The following WWOX variants were observed in gnomAD, a reference collection of about 807,000 sequenced individuals.
The protein encoded by WWOX is WW domain-containing oxidoreductase.
Under a neutral mutation model 46.2 loss-of-function variants are expected in WWOX, and 69 were observed. The ratio of observed to expected loss-of-function variants is 1.49; its 90% CI spans 1.23 to 1.82. The LOEUF is 1.82. Ranked by LOEUF, WWOX falls within the 40% of genes most tolerant of loss-of-function variation. The pLI is 0.00. For synonymous variants in WWOX, 359 were observed against 202.6 expected, an observed-to-expected ratio of 1.77 and a Z score of -6.56; for missense variants, 919 against 542.6, an observed-to-expected ratio of 1.69 and a Z score of -6.89.
At chr16:78,696,480 T>C (rs2142281375) in intron 8 of WWOX, among the ~76,000 whole-genome samples, 1 of 152,216 alleles carries the variant, frequency 6.6e-6, no homozygotes. Flanking sequence ...TCGATTTTTT[T>C]TTTTCACCTG....
rs62038856 is a variant in WWOX, at chr16:79,143,008, A to T, written c.1057-68600A>T. Among the ~76,000 whole-genome samples the T allele has an allele frequency of 7.2e-3, 1,090 of 152,192 alleles. 5 individuals carry two copies. Among genetic ancestry groups the T allele is most frequent in the South Asian group, 0.015 (71 of 4,824 alleles). ...CGTGAGCTACCACACCCAGCCATTT[A>T]TCTGTTTTTTAAATAGCATTTTGGA... On this transcript the variant is annotated intron_variant, in intron 8 of 8. Transcript: ENST00000566780.
intron 8 of WWOX, among the ~76,000 whole-genome samples, chr16:78,992,837 C>T (rs1009416717): frequency 3.3e-5 from 5 of 152,092 alleles, no homozygotes; most frequent in African/African-American, 1.2e-4. Flanking sequence ...AGTTGGCTTT[C>T]TCCCCAAACC....
chr16:78,647,195 G>A (rs1287473671), intron 8 of WWOX, among the ~76,000 whole-genome samples: 1 of 152,152 alleles, frequency 6.6e-6, no homozygotes, highest in Non-Finnish European at 1.5e-5. Context: ...GAACCAACAT[G>A]AGTCACTTGC....
intron 8 of WWOX, among the ~76,000 whole-genome samples, chr16:78,815,963 T>A (rs563245364): frequency 3.4e-4 from 52 of 152,192 alleles, no homozygotes; most frequent in Non-Finnish European, 6.9e-4. Flanking sequence ...CCAAGTCTCC[T>A]GGGTGACCTT....
intron 8 of WWOX, among the ~76,000 whole-genome samples, chr16:78,686,870 T>G (rs975825457): frequency 2.0e-5 from 3 of 152,190 alleles, no homozygotes; most frequent in Non-Finnish European, 2.9e-5. Context: ...AGTGTTCTTC[T>G]TTTCAAAAGG....
chr16:78,875,408 C>G (rs957005251), intron 8 of WWOX, among the ~76,000 whole-genome samples: 3 of 152,126 alleles, frequency 2.0e-5, no homozygotes, highest in Non-Finnish European at 2.9e-5. Flanking sequence ...TAGTATTTCT[C>G]TAATTCTCGA....
chr16:79,096,010 C>G (rs549304723), intron 8 of WWOX, among the ~76,000 whole-genome samples: 1 of 117,090 alleles, frequency 8.5e-6, no homozygotes, highest in Non-Finnish European at 1.7e-5. Context: ...CTGCCACACC[C>G]GGATAATTTT....
intron 8 of WWOX, among the ~76,000 whole-genome samples, chr16:78,710,770 G>A (rs1304458016): frequency 2.0e-5 from 3 of 150,816 alleles, no homozygotes; most frequent in East Asian, 4.0e-4. Context: ...TCATGCTACC[G>A]TGCCCAGCTA....
At chr16:78,342,570 T>C (rs1323013431) in intron 5 of WWOX, among the ~76,000 whole-genome samples, 1 of 120,312 alleles carries the variant, frequency 8.3e-6, no homozygotes, top group East Asian at 1.9e-4. Flanking sequence ...CACATGGGTG[T>C]TGGGAGAGCA....
chr16:78,101,042 G>A (rs1171170094), intron 1 of WWOX, among the ~76,000 whole-genome samples: 3 of 149,290 alleles, frequency 2.0e-5, no homozygotes, highest in Non-Finnish European at 4.5e-5. Flanking sequence ...CTTCCAGAGG[G>A]TTTTTCTTTT....
At chr16:79,041,495 A>G (rs1418735829) in intron 8 of WWOX, among the ~76,000 whole-genome samples, 1 of 152,194 alleles carries the variant, frequency 6.6e-6, no homozygotes, top group Admixed American at 6.5e-5. Context: ...ATGATGGAGC[A>G]GGGATCATGC....
rs143985863 is a variant in WWOX, at chr16:78,326,438, G to C, written c.517-60422G>C. On this transcript the variant is annotated intron_variant, in intron 5 of 8. Coordinates refer to ENST00000566780, the MANE Select transcript of WWOX (RefSeq NM_016373.4). ...CATTCACTGGGAGAAACAAGGGGTT[G>C]AACGTTGTTATCGCGCAAAGGAAGC... Among the ~76,000 whole-genome samples, 1,243 of 152,194 alleles carry C rather than the reference G, an allele frequency of 8.2e-3. 9 individuals are homozygous for C. Among genetic ancestry groups the C allele is most frequent in the Non-Finnish European group, 0.013 (867 of 68,022 alleles).
At chr16:78,933,590 G>A (rs1034339562) in intron 8 of WWOX, among the ~76,000 whole-genome samples, 2 of 152,192 alleles carry the variant, frequency 1.3e-5, no homozygotes, top group African/African-American at 4.8e-5. Context: ...TGCTGATAAA[G>A]ACATACCCGA....
At chr16:79,155,132 C>G (rs2050355713) in intron 8 of WWOX, among the ~76,000 whole-genome samples, 1 of 152,214 alleles carries the variant, frequency 6.6e-6, no homozygotes, top group Admixed American at 6.5e-5. Context: ...AATCCCAGCA[C>G]TTTGGGAGGC....
chr16:78,320,641 A>C (rs1199942017), intron 5 of WWOX, among the ~76,000 whole-genome samples: 1 of 152,210 alleles, frequency 6.6e-6, no homozygotes, highest in African/African-American at 2.4e-5. Flanking sequence ...GGCTGCACCT[A>C]GGGGAAGCCA....
chr16:78,451,443 G>C (rs184807225), intron 8 of WWOX, among the ~76,000 whole-genome samples: 1 of 152,174 alleles, frequency 6.6e-6, no homozygotes. Flanking sequence ...GGCTGAGTTT[G>C]GTTGCAGAAG....
intron 4 of WWOX, among the ~76,000 whole-genome samples, chr16:78,152,631 C>T (rs773520587): frequency 6.6e-6 from 1 of 152,180 alleles, no homozygotes; most frequent in Non-Finnish European, 1.5e-5. Flanking sequence ...TAATTGTAAT[C>T]TTTGGGCATT....
intron 8 of WWOX, among the ~76,000 whole-genome samples, chr16:78,828,863 C>T (rs897087160): frequency 6.6e-6 from 1 of 152,200 alleles, no homozygotes; most frequent in African/African-American, 2.4e-5. Context: ...GCATTTTCTG[C>T]ATTGCATTCT....
chr16:78,183,235 C>T (rs376275203), intron 5 of WWOX, among the ~76,000 whole-genome samples: 2 of 152,214 alleles, frequency 1.3e-5, no homozygotes, highest in East Asian at 3.9e-4. Flanking sequence ...ATATCTACCA[C>T]CCACTAGGGG....
Sources: allele counts gnomAD v4.1 joint callset (sites outside exome capture counted in the v4.1 genomes callset), GRCh38; gene constraint gnomAD v4.1.1; transcripts MANE v1.5; gene names NCBI Gene and HGNC (gene_info 2026-07-23, HGNC 2026-07-21).